Variants in STK40 observed in about 807,000 individuals in gnomAD.
The protein encoded by STK40 is serine/threonine kinase 40.
Under a neutral mutation model 47.9 loss-of-function variants are expected in STK40, and 13 were observed. That is an observed-to-expected ratio of 0.27 (90% CI 0.18 to 0.43). The LOEUF is 0.43. Ranked by LOEUF, STK40 falls within the 20% of genes least tolerant of loss-of-function variation. The pLI is 1.00. For synonymous variants in STK40, 225 were observed against 243.2 expected (o/e 0.93, Z 0.69); for missense variants, 460 against 595.1 (o/e 0.77, Z 2.36).
At chr1:36,350,448 G>C (rs531400306) in intron 6 of STK40, among the ~76,000 whole-genome samples, 2 of 152,342 alleles carry the variant, frequency 1.3e-5, no homozygotes, top group Admixed American at 6.5e-5. Context: ...GGACAGCTCA[G>C]GAGAAAGTAC....
At chr1:36,365,328 A>G (rs1466785673) in intron 1 of STK40, among the ~76,000 whole-genome samples, 1 of 152,178 alleles carries the variant, frequency 6.6e-6, no homozygotes, top group East Asian at 1.9e-4. Context: ...GACTGACTAT[A>G]TGTGGTGCAC....
intron 1 of STK40, among the ~76,000 whole-genome samples, chr1:36,371,277 G>A (rs776808336): frequency 2.6e-5 from 4 of 151,778 alleles, no homozygotes; most frequent in Non-Finnish European, 5.9e-5. Flanking sequence ...AAGAAGGGCC[G>A]GGCGTGGTGG....
Position 36,382,185 on chromosome 1 carries a change from CTT to C in STK40, c.-9+3536_-9+3537del, listed in dbSNP as rs879333072. Among the ~76,000 whole-genome samples the C allele has an allele frequency of 4.8e-5, 7 of 147,180 alleles. No individual in the cohort carries two copies. In the East Asian group the frequency reaches 1.2e-3, roughly 25 times the overall value. On this transcript the variant is annotated intron_variant, in intron 1 of 10. Coordinates refer to ENST00000373132, the MANE Select transcript of STK40 (RefSeq NM_001282547.2). ...CTAAATACATTTACTCCCATGTATA[CTT>C]TTTTTTTTTTGAGACAGGGTCTCAC... is the stretch of plus-strand genomic sequence containing the variant.
intron 1 of STK40, among the ~76,000 whole-genome samples, chr1:36,364,512 G>A (rs1646884661): frequency 6.6e-6 from 1 of 152,060 alleles, no homozygotes; most frequent in African/African-American, 2.4e-5. Context: ...TACTGGCTGT[G>A]TCTATTATTT....
In STK40 at chr1:36,358,357, TC is replaced by T; in HGVS notation, c.223del (p.Asp75ThrfsTer4). The T allele has an allele frequency of 1.2e-6, 2 of 1,604,302 alleles. No individual in the cohort carries two copies. The highest frequency in any genetic ancestry group is 1.7e-5 in the Admixed American group (1 of 59,726). ...CTCTTCCTGGCTCTCTATGCCTTGG[TC>T]CCCCCTCTCCTCCAGGGTCAGGATC... is the stretch of plus-strand genomic sequence containing the variant. The part of the protein sequence containing the change: ...LKILTLEERG[D>X]QGIESQEERQ... On this transcript the variant is annotated frameshift_variant, in exon 4 of 11. Transcript: ENST00000373132. LOFTEE classifies it high-confidence loss of function.
rs1436531127 is a variant in STK40 at position 36,346,009 on chromosome 1, T to TTTTTC, written c.740-1746_740-1745insGAAAA. Reference sequence around the variant, plus strand: ...TATATATATTTTTTTTTTTTTTTTTTCCTGAGACAGAGTCTTGCTCTGTTG... The same window carrying TTTTTC: ...TATATATATTTTTTTTTTTTTTTTTTTTTTCCCTGAGACAGAGTCTTGCTCTGTTG... On this transcript the variant is annotated intron_variant, in intron 7 of 10. Coordinates refer to ENST00000373132, the MANE Select transcript of STK40 (RefSeq NM_001282547.2). Among the ~76,000 whole-genome samples, 685 of 121,860 alleles carry TTTTTC rather than the reference T, an allele frequency of 5.6e-3. 17 individuals carry two copies. Among genetic ancestry groups the TTTTTC allele is most frequent in the African/African-American group, 0.025 (655 of 26,350 alleles). The allele number at this position is 121,860 out of a possible 152,430, so 79.9% of individuals were successfully genotyped here.
chr1:36,376,276 C>T (rs1045790485), intron 1 of STK40, among the ~76,000 whole-genome samples: 1 of 152,142 alleles, frequency 6.6e-6, no homozygotes, highest in African/African-American at 2.4e-5. Context: ...GCATTGAGGG[C>T]GTGTTCATTA....
At chr1:36,355,755 C>G (rs183399741) in intron 4 of STK40, among the ~76,000 whole-genome samples, 1 of 152,274 alleles carries the variant, frequency 6.6e-6, no homozygotes, top group Admixed American at 6.5e-5. Context: ...CCCTCTTAGC[C>G]CAGTGCTCAA....
chr1:36,367,295 C>A (rs1646911105), intron 1 of STK40, among the ~76,000 whole-genome samples: 1 of 152,214 alleles, frequency 6.6e-6, no homozygotes, highest in South Asian at 2.1e-4. Context: ...CGTCCGCAGG[C>A]TGTAGCTGTG....
chr1:36,353,036 C>A (rs1646773252), intron 6 of STK40, among the ~76,000 whole-genome samples: 1 of 152,230 alleles, frequency 6.6e-6, no homozygotes, highest in Admixed American at 6.5e-5. Flanking sequence ...AGGCCAACCT[C>A]CAGGCAGCTT....
chr1:36,348,713 G>T lies in STK40; in HGVS notation c.726C>A (p.Pro242=), dbSNP rs763037189. Reference sequence around the variant, plus strand: ...ACACACACGTACCGCTGAGCACGTCGGGACTGATGTAGGCAGGGCTCCCTC... The same window carrying T: ...ACACACACGTACCGCTGAGCACGTCTGGACTGATGTAGGCAGGGCTCCCTC... The part of the protein sequence containing the change: ...DQRGSPAYIS[P]DVLSGRPYRG... The change falls in exon 7 of 11, where the codon CCC becomes CCA. Residue 242 remains proline (P), a synonymous_variant. Transcript: ENST00000373132. 6.2e-7 allele frequency: 1 copy of T among 1,608,508 alleles called. No individual in the cohort carries two copies. Among genetic ancestry groups the T allele is most frequent in the South Asian group, 1.1e-5 (1 of 89,914 alleles).
chr1:36,362,317 G>A (rs1166594048), intron 1 of STK40, among the ~76,000 whole-genome samples: 1 of 152,226 alleles, frequency 6.6e-6, no homozygotes, highest in Non-Finnish European at 1.5e-5. Context: ...TCCACATGGG[G>A]AAGGTCAGGG....
intron 6 of STK40, among the ~76,000 whole-genome samples, chr1:36,349,540 T>C (rs910920360): frequency 6.6e-6 from 1 of 152,118 alleles, no homozygotes; most frequent in Non-Finnish European, 1.5e-5. Context: ...CCCAGATGTG[T>C]CCCTGGGCAG....
chr1:36,366,475 G>A (rs746645351), intron 1 of STK40, among the ~76,000 whole-genome samples: 10 of 152,146 alleles, frequency 6.6e-5, no homozygotes, highest in Non-Finnish European at 1.3e-4. Flanking sequence ...CCAGAAAACC[G>A]GAAGCTGCTG....
At position 36,341,460 on chromosome 1, in the gene STK40, C is replaced by T. The variant is rs889131620; in HGVS notation, c.*295G>A. On this transcript the variant is annotated 3_prime_UTR_variant, in exon 11 of 11. Transcript: ENST00000373132. Reference sequence around the variant, plus strand: ...AGCAGGCTCCCTCCTCCCTCTTGCTCAGTCCAGAGACAGCATGGTTAAAGA... The same window carrying T: ...AGCAGGCTCCCTCCTCCCTCTTGCTTAGTCCAGAGACAGCATGGTTAAAGA... 1 of 364,670 alleles carries T rather than the reference C, an allele frequency of 2.7e-6. No individual in the cohort carries two copies. The highest frequency in any genetic ancestry group is 5.2e-6 in the Non-Finnish European group (1 of 193,512). The allele number at this position is 364,670 out of a possible 1,614,324, so 22.6% of individuals were successfully genotyped here.
At chr1:36,342,030 A>G (rs912461827) in intron 10 of STK40, 57 bp from the exon 11 acceptor site, 1 of 1,493,472 alleles carries the variant, frequency 6.7e-7, no homozygotes, top group Non-Finnish European at 9.1e-7. Flanking sequence ...AAGGCAGCGC[A>G]GCAGACAGGA....
intron 1 of STK40, among the ~76,000 whole-genome samples, chr1:36,384,903 T>C (rs1647072367): frequency 6.6e-6 from 1 of 152,250 alleles, no homozygotes; most frequent in South Asian, 2.1e-4. Context: ...GCCTACCCTC[T>C]TCCCCACTGG....
chr1:36,369,858 G>C (rs958326003), intron 1 of STK40, among the ~76,000 whole-genome samples: 4 of 152,262 alleles, frequency 2.6e-5, no homozygotes, highest in Admixed American at 1.3e-4. Flanking sequence ...TGTTTGCTGG[G>C]CATCTATAAG....
At chr1:36,366,447 C>T (rs1052208355) in intron 1 of STK40, among the ~76,000 whole-genome samples, 18 of 152,286 alleles carry the variant, frequency 1.2e-4, no homozygotes, top group Middle Eastern at 3.4e-3. Context: ...GCAAAGGAAG[C>T]GTCATGAAGA....
Sources: gnomAD v4.1 joint callset for allele counts (sites outside exome capture counted in the v4.1 genomes callset) on GRCh38, gnomAD v4.1.1 for gene constraint, MANE v1.5 for transcripts, NCBI Gene and HGNC (gene_info 2026-07-23, HGNC 2026-07-21) for gene names.